RIC8B: variants seen among roughly 807,000 people sequenced by gnomAD.
RIC8B encodes chaperone Ric-8B.
Under a neutral mutation model 57.5 loss-of-function variants are expected in RIC8B, and 16 were observed. The ratio of observed to expected loss-of-function variants is 0.28; its 90% CI spans 0.19 to 0.42. RIC8B has a LOEUF of 0.42. Among genes scored for constraint, RIC8B ranks in the 10% least tolerant of loss-of-function variants. RIC8B has a pLI of 1.00. For synonymous variants in RIC8B, 216 were observed against 250.8 expected, an observed-to-expected ratio of 0.86 and a Z score of 1.31; for missense variants, 481 against 677.0, an observed-to-expected ratio of 0.71 and a Z score of 3.21.
chr12:106,803,053 G>C (rs1263473126), intron 2 of RIC8B, among the ~76,000 whole-genome samples: 2 of 151,088 alleles, frequency 1.3e-5, no homozygotes, highest in African/African-American at 4.9e-5. Flanking sequence ...GTCTTTAAAA[G>C]TAAAAAAAAA....
chr12:106,821,673 GC>G (rs754959325), intron 3 of RIC8B, among the ~76,000 whole-genome samples: 13 of 152,072 alleles, frequency 8.5e-5, no homozygotes, highest in Non-Finnish European at 1.6e-4. Flanking sequence ...ATCAAAAGAA[GC>G]AAAAAGACAA....
intron 9 of RIC8B, among the ~76,000 whole-genome samples, chr12:106,875,914 G>A (rs1308374957): frequency 6.6e-6 from 1 of 150,776 alleles, no homozygotes; most frequent in Non-Finnish European, 1.5e-5. Context: ...GCTGAGATAG[G>A]TAGTTTATAA....
intron 3 of RIC8B, among the ~76,000 whole-genome samples, chr12:106,821,000 T>G (rs565888174): frequency 1.0e-3 from 152 of 152,320 alleles, no homozygotes; most frequent in African/African-American, 3.3e-3. Flanking sequence ...TGGTATCATT[T>G]CAGGAGGAGA....
chr12:106,848,003 C>T (rs924886698), intron 6 of RIC8B, among the ~76,000 whole-genome samples: 8 of 152,120 alleles, frequency 5.3e-5, no homozygotes, highest in African/African-American at 1.9e-4. Flanking sequence ...TTATATACTA[C>T]GTCCGGTGGT....
intron 3 of RIC8B, among the ~76,000 whole-genome samples, chr12:106,815,748 G>A (rs1208209921): frequency 1.3e-5 from 2 of 152,176 alleles, no homozygotes; most frequent in Non-Finnish European, 2.9e-5. Context: ...GCTCAGGAGA[G>A]TAGAAGATGC....
rs1357393776 is a variant in RIC8B at position 106,879,729 on chromosome 12, C to T, written c.1572-6175C>T. 1.0e-6 allele frequency: 1 copy of T among 985,274 alleles called. No individual in the cohort carries two copies. The highest frequency in any genetic ancestry group is 1.2e-6 in the Non-Finnish European group (1 of 829,928). 61.0% of individuals were successfully genotyped at this position (985,274 alleles called of 1,614,324 possible). Reference sequence around the variant, plus strand: ...GCCAAGCCCTTGTAGATTATGGTTCCTTATCGTTTAGTAAGATCAAATTTC... The same window carrying T: ...GCCAAGCCCTTGTAGATTATGGTTCTTTATCGTTTAGTAAGATCAAATTTC... On this transcript the variant is annotated intron_variant, in intron 9 of 9. Coordinates refer to ENST00000392837, the MANE Select transcript of RIC8B (RefSeq NM_001330145.2). The surrounding 1 kb of genome is among the most constrained non-coding windows in gnomAD (Gnocchi z 4.9).
At chr12:106,783,290 A>G (rs1369682903) in intron 1 of RIC8B, among the ~76,000 whole-genome samples, 1 of 152,108 alleles carries the variant, frequency 6.6e-6, no homozygotes, top group Non-Finnish European at 1.5e-5. Flanking sequence ...CAGTCTCTCT[A>G]TGAACTAGGT....
At chr12:106,860,518 A>G in intron 8 of RIC8B, 106 bp downstream of exon 8, 1 of 932,458 alleles carries the variant, frequency 1.1e-6, no homozygotes, top group Non-Finnish European at 1.5e-6. Flanking sequence ...TGGATTTGGA[A>G]ACTTTCCATT....
At chr12:106,841,637 T>C (rs1299158505) in intron 4 of RIC8B, among the ~76,000 whole-genome samples, 1 of 152,196 alleles carries the variant, frequency 6.6e-6, no homozygotes, top group Non-Finnish European at 1.5e-5. Flanking sequence ...TGGTTATTTT[T>C]AGATCTGCTT....
chr12:106,840,486 T>A (rs911562364), intron 4 of RIC8B, among the ~76,000 whole-genome samples: 4 of 151,398 alleles, frequency 2.6e-5, no homozygotes, highest in Non-Finnish European at 5.9e-5. Flanking sequence ...AGTCACTGAC[T>A]TCCTGGTAGC....
intron 7 of RIC8B, 21 bp downstream of exon 7, chr12:106,851,615 C>A (rs1410391619): frequency 1.2e-6 from 2 of 1,604,822 alleles, no homozygotes; most frequent in Admixed American, 3.4e-5. Context: ...CTCTCTTTGC[C>A]TCTGCCTTTT....
In RIC8B at chr12:106,886,935, G is replaced by T. The variant is rs1406504118; in HGVS notation, c.*920G>T. 6.6e-6 allele frequency: 1 copy of T among 152,484 alleles called. No homozygotes were observed. Among genetic ancestry groups the T allele is most frequent in the East Asian group, 1.9e-4 (1 of 5,194 alleles). 9.4% of individuals were successfully genotyped at this position (152,484 alleles called of 1,614,324 possible). On this transcript the variant is annotated 3_prime_UTR_variant, in exon 10 of 10. Coordinates refer to ENST00000392837, the MANE Select transcript of RIC8B (RefSeq NM_001330145.2). ...TTCATACATCACATTTTAAATTGGG[G>T]ACTGTGTGTGCTGGTGTGTGTGTGA...
At chr12:106,779,318 G>A (rs2043641575) in intron 1 of RIC8B, among the ~76,000 whole-genome samples, 1 of 150,868 alleles carries the variant, frequency 6.6e-6, no homozygotes, top group Non-Finnish European at 1.5e-5. Flanking sequence ...TGCAGCCTCC[G>A]CCTCCCAGGT....
chr12:106,803,226 A>AAAAAAAAAAAAAAAAAAC (rs2044831789), intron 2 of RIC8B, among the ~76,000 whole-genome samples: 1 of 151,326 alleles, frequency 6.6e-6, no homozygotes, highest in Non-Finnish European at 1.5e-5. Flanking sequence ...AAAAAAAAAA[A>AAAAAAAAAAAAAAAAAAC]AAAAAAAAAA....
chr12:106,832,148 A>G (rs995383687), intron 4 of RIC8B, among the ~76,000 whole-genome samples: 1 of 152,106 alleles, frequency 6.6e-6, no homozygotes, highest in Non-Finnish European at 1.5e-5. Flanking sequence ...CCTAATTTAG[A>G]TTAAGAACTC....
intron 2 of RIC8B, among the ~76,000 whole-genome samples, chr12:106,785,757 A>T (rs1378559293): frequency 1.4e-5 from 2 of 139,728 alleles, no homozygotes; most frequent in African/African-American, 2.7e-5. Context: ...AGAATTTGGG[A>T]GGTGAGCTCC....
chr12:106,851,459 C>T lies in RIC8B; in HGVS notation c.1171C>T (p.Pro391Ser). 1 of 1,613,470 alleles carries T rather than the reference C, an allele frequency of 6.2e-7. No individual in the cohort carries two copies. Among genetic ancestry groups the T allele is most frequent in the Non-Finnish European group, 8.5e-7 (1 of 1,179,752 alleles). The stretch of plus-strand genomic sequence containing the variant: ...GCATTTGTGCCATCAGGTTTTACCA[C>T]CGTTGAGGGATGTGACAAATCGACC... ...RKFLKDQVLP[P>S]LRDVTNRPEV... Residue 391 changes from proline (P) to serine (S), a missense_variant, in exon 7 of 10, where the codon CCG becomes TCG. By Grantham distance (74) the Pro-to-Ser change is moderately conservative. Around this residue, in one of 3 missense-constraint regions of RIC8B, gnomAD observed 421 missense variants for 560.9 expected, o/e 0.75. Transcript: ENST00000392837.
At chr12:106,807,943 G>T (rs1041734594) in intron 2 of RIC8B, among the ~76,000 whole-genome samples, 3 of 152,006 alleles carry the variant, frequency 2.0e-5, no homozygotes, top group Non-Finnish European at 4.4e-5. Context: ...AAATTAGTGG[G>T]GTGTGGTGGC....
chr12:106,775,627 A>C (rs1267218774), intron 1 of RIC8B, among the ~76,000 whole-genome samples: 1 of 152,228 alleles, frequency 6.6e-6, no homozygotes, highest in Non-Finnish European at 1.5e-5. Flanking sequence ...TTTCCACTTC[A>C]CAACTCTGCG....
Sources: allele counts gnomAD v4.1 joint callset (sites outside exome capture counted in the v4.1 genomes callset), GRCh38; gene constraint gnomAD v4.1.1; regional missense constraint gnomAD v4.1.1; non-coding constraint Gnocchi (gnomAD v3.1); transcripts MANE v1.5; gene names NCBI Gene and HGNC (gene_info 2026-07-23, HGNC 2026-07-21).